TSG101: variants seen among roughly 807,000 people sequenced by gnomAD.
TSG101 encodes the protein tumor susceptibility 101.
A neutral mutation model predicts 48.5 loss-of-function variants in TSG101; 19 were observed. The ratio of observed to expected loss-of-function variants is 0.39; its 90% CI spans 0.27 to 0.58. The LOEUF (loss-of-function observed/expected upper bound fraction) is 0.58, where lower values mean the gene tolerates loss of function less well. Ranked by LOEUF, TSG101 falls within the 20% of genes least tolerant of loss-of-function variation. The pLI, the probability that TSG101 is intolerant of heterozygous loss-of-function variation, is 0.55. For synonymous variants in TSG101, 174 were observed against 169.4 expected, an observed-to-expected ratio of 1.03 and a Z score of -0.21; for missense variants, 365 against 484.4, an observed-to-expected ratio of 0.75 and a Z score of 2.31.
chr11:18,516,533 A>T (rs1850177827), intron 2 of TSG101, among the ~76,000 whole-genome samples: 1 of 151,916 alleles, frequency 6.6e-6, no homozygotes, highest in Non-Finnish European at 1.5e-5. Flanking sequence ...TTTAGTAGAG[A>T]TGGGGCTTCA....
chr11:18,481,153 T>C (rs1849531790), intron 9 of TSG101, among the ~76,000 whole-genome samples: 1 of 152,220 alleles, frequency 6.6e-6, no homozygotes, highest in Non-Finnish European at 1.5e-5. Flanking sequence ...GATTTTCCTC[T>C]GTACAACAGC....
In TSG101 at chr11:18,514,835, G is replaced by A; in HGVS notation, c.200C>T (p.Thr67Ile). Residue 67 changes from threonine (T) to isoleucine (I), a missense_variant, in exon 4 of 10, where the codon ACA becomes ATA. Coordinates refer to ENST00000251968, the MANE Select transcript of TSG101 (RefSeq NM_006292.4). The part of the protein sequence containing the change: ...GTIPVPYRGN[T>I]YNIPICLWLL... ...CCATAGGCATATTGGAATATTGTAT[G>A]TATTACCTGAAAAAGAAATAGAAAC... is the stretch of plus-strand genomic sequence containing the variant. 1 of 1,539,750 alleles carries A rather than the reference G, an allele frequency of 6.5e-7. No homozygotes were observed. Among genetic ancestry groups the A allele is most frequent in the Non-Finnish European group, 8.7e-7 (1 of 1,155,276 alleles).
At chr11:18,503,741 A>C (rs1849925508) in intron 6 of TSG101, among the ~76,000 whole-genome samples, 1 of 152,146 alleles carries the variant, frequency 6.6e-6, no homozygotes, top group East Asian at 1.9e-4. Context: ...CTTTCCTCTG[A>C]ATGCTTACTA....
At chr11:18,517,348 CCACA>C (rs1850195820) in intron 2 of TSG101, among the ~76,000 whole-genome samples, 2 of 152,140 alleles carry the variant, frequency 1.3e-5, no homozygotes, top group African/African-American at 4.8e-5. Context: ...ATTTCTCATA[CCACA>C]CACATTTTTC....
At chr11:18,481,512 T>C (rs1436532497) in intron 9 of TSG101, 118 bp downstream of exon 9, 2 of 1,474,750 alleles carry the variant, frequency 1.4e-6, no homozygotes, top group Non-Finnish European at 1.8e-6. Flanking sequence ...TAGTGTTTTT[T>C]GGGAAGATAA....
intron 7 of TSG101, among the ~76,000 whole-genome samples, chr11:18,495,298 A>C (rs1465509819): frequency 6.6e-6 from 1 of 152,252 alleles, no homozygotes; most frequent in African/African-American, 2.4e-5. Flanking sequence ...AACTGCAACT[A>C]CTGAAAGGTC....
intron 6 of TSG101, among the ~76,000 whole-genome samples, chr11:18,504,510 A>C (rs1057260183): frequency 6.6e-6 from 1 of 152,182 alleles, no homozygotes; most frequent in African/African-American, 2.4e-5. Flanking sequence ...TAGTCTCTTC[A>C]GTAATCCATG....
At position 18,483,491 on chromosome 11, in the gene TSG101, CAAAAAAA is replaced by C. The variant is rs35471524; in HGVS notation, c.843+372_843+378del. Among the ~76,000 whole-genome samples, 4 of 107,684 alleles carry C rather than the reference CAAAAAAA, an allele frequency of 3.7e-5. No individual in the cohort carries two copies. In the South Asian group the frequency reaches 9.0e-4, roughly 24 times the overall value. 70.6% of individuals were successfully genotyped at this position (107,684 alleles called of 152,430 possible). A position where few individuals can be genotyped will look rare whatever the true frequency, so the allele number is the denominator to read the frequency against. On this transcript the variant is annotated intron_variant, in intron 8 of 9. Transcript: ENST00000251968. Reference sequence around the variant, plus strand: ...AGCCTGAGCGCAAGAGTGAAACTCTCAAAAAAAAAAAAAAAAAAAAGGAGTGCCTTTT... The same window carrying C: ...AGCCTGAGCGCAAGAGTGAAACTCTCAAAAAAAAAAAAAGGAGTGCCTTTT...
rs757230650 is a variant in TSG101, at chr11:18,526,862, G to C, written c.-46C>G. ...CTTCCCCGCAGGCAGAGGGTCAGCC[G>C]CTGCTGGGCTGCCCCAGACCGTCCC... On this transcript the variant is annotated 5_prime_UTR_variant, in exon 1 of 10. Coordinates refer to ENST00000251968, the MANE Select transcript of TSG101 (RefSeq NM_006292.4). 6.3e-7 allele frequency: 1 copy of C among 1,580,424 alleles called. No homozygotes were observed. Among genetic ancestry groups the C allele is most frequent in the African/African-American group, 1.3e-5 (1 of 74,254 alleles).
At chr11:18,494,083 A>G (rs1166938821) in intron 7 of TSG101, among the ~76,000 whole-genome samples, 2 of 152,228 alleles carry the variant, frequency 1.3e-5, no homozygotes, top group Non-Finnish European at 2.9e-5. Context: ...CACCACAAAA[A>G]AAGTTTAAAT....
chr11:18,487,664 C>A (rs1228479414), intron 7 of TSG101, among the ~76,000 whole-genome samples: 1 of 152,166 alleles, frequency 6.6e-6, no homozygotes, highest in African/African-American at 2.4e-5. Flanking sequence ...CTGTGCCTGG[C>A]ATCCCACCTA....
chr11:18,526,812 G>T lies in TSG101; in HGVS notation c.5C>A (p.Ala2Glu). 6.2e-7 allele frequency: 1 copy of T among 1,602,606 alleles called. No homozygotes were observed. ...TTTCTTGAGCTGGCTCTCCGACACC[G>T]CCATGACGGCCGCCTGGCGACTCCC... The part of the protein sequence containing the change: M[A>E]VSESQLKKMV... Residue 2 changes from alanine to glutamate, a missense_variant, in exon 1 of 10, where the codon GCG becomes GAG. Ala to Glu is a moderately radical substitution (Grantham distance 107, BLOSUM62 -1). Coordinates refer to ENST00000251968, the MANE Select transcript of TSG101 (RefSeq NM_006292.4).
chr11:18,495,613 A>C (rs940412440), intron 7 of TSG101, among the ~76,000 whole-genome samples: 1 of 151,618 alleles, frequency 6.6e-6, no homozygotes, highest in Admixed American at 6.6e-5. Context: ...TTGCTCCTAC[A>C]GTAACAGGAA....
chr11:18,520,929 G>C (rs866518593), intron 1 of TSG101, among the ~76,000 whole-genome samples: 2 of 152,014 alleles, frequency 1.3e-5, no homozygotes, highest in African/African-American at 4.8e-5. Flanking sequence ...TACTCAGGAG[G>C]CTGAGGCAGG....
intron 4 of TSG101, 94 bp from the exon 5 acceptor site, chr11:18,509,759 T>G (rs1343274328): frequency 1.0e-5 from 14 of 1,374,896 alleles, no homozygotes; most frequent in Non-Finnish European, 1.4e-5. Context: ...CAACTCAGCT[T>G]GATAATTTTC....
intron 1 of TSG101, among the ~76,000 whole-genome samples, chr11:18,520,866 A>G (rs1223463871): frequency 6.6e-6 from 1 of 151,908 alleles, no homozygotes. Flanking sequence ...CCCCATCTCT[A>G]CTAAAAATAC....
chr11:18,491,587 A>C (rs1394359874), intron 7 of TSG101, among the ~76,000 whole-genome samples: 1 of 152,142 alleles, frequency 6.6e-6, no homozygotes, highest in Non-Finnish European at 1.5e-5. Context: ...GCCTATTTTA[A>C]TCTGTATCTT....
intron 7 of TSG101, chr11:18,490,873 G>T: frequency 1.9e-6 from 1 of 516,840 alleles, no homozygotes; most frequent in Admixed American, 2.1e-5. Context: ...TTCTGTGACT[G>T]CCTTCGTGAC....
rs1850042735 is a variant in TSG101, at chr11:18,509,560, C to A, written c.463G>T (p.Ala155Ser). Residue 155 changes from alanine (A) to serine (S), a missense_variant, in exon 5 of 10, where the codon GCA (alanine) becomes TCA (serine). Transcript: ENST00000251968. The part of the protein sequence containing the change: ...PISASYPPYQ[A>S]TGPPNTSYMP... ...TACTTACTATTTGGTGGCCCCGTTG[C>A]CTGGTATGGCGGATAGGATGCCGAA... 6.2e-7 allele frequency: 1 copy of A among 1,613,182 alleles called. No individual in the cohort carries two copies. Among genetic ancestry groups the A allele is most frequent in the African/African-American group, 1.3e-5 (1 of 74,892 alleles).
Sources: allele counts gnomAD v4.1 joint callset (sites outside exome capture counted in the v4.1 genomes callset), GRCh38; gene constraint gnomAD v4.1.1; transcripts MANE v1.5; gene names NCBI Gene and HGNC (gene_info 2026-07-23, HGNC 2026-07-21).